NEK11: variants seen among roughly 807,000 people sequenced by gnomAD.
NEK11 encodes the protein serine/threonine-protein kinase Nek11.
Under a neutral mutation model 80.7 loss-of-function variants are expected in NEK11, and 72 were observed. The ratio of observed to expected loss-of-function variants is 0.89; its 90% CI spans 0.74 to 1.08. The LOEUF is 1.08. NEK11 is among the 50% of genes least tolerant of loss of function. The pLI, the probability that NEK11 is intolerant of heterozygous loss-of-function variation, is 0.00. For missense variants in NEK11, 764 were observed against 763.6 expected (o/e 1.00, Z -0.01); for synonymous variants, 251 against 260.7 (o/e 0.96, Z 0.36).
At chr3:131,029,954 A>AT (rs1227637281) in intron 3 of NEK11, 76 bp downstream of exon 3, 1 of 1,409,532 alleles carries the variant, frequency 7.1e-7, no homozygotes, top group African/African-American at 1.4e-5. Context: ...AGGAACATGG[A>AT]GCAGGCCAGG....
In NEK11 at chr3:131,349,540, T is replaced by C; in HGVS notation, c.1719-17T>C. 6.2e-7 allele frequency: 1 copy of C among 1,601,624 alleles called. No homozygotes were observed. Among genetic ancestry groups the C allele is most frequent in the Non-Finnish European group, 8.5e-7 (1 of 1,170,544 alleles). On this transcript the variant is annotated splice_polypyrimidine_tract_variant and intron_variant, in intron 17 of 17. Coordinates refer to ENST00000383366, the MANE Select transcript of NEK11 (RefSeq NM_024800.5). ...TAATGTGTAACTCTTTGTAATCTTTTGTAACTTTTTTGACAGATCAGCCAT... is the reference window on the plus strand; with the variant it reads ...TAATGTGTAACTCTTTGTAATCTTTCGTAACTTTTTTGACAGATCAGCCAT...
chr3:131,315,646 C>T (rs2109546667), intron 17 of NEK11, among the ~76,000 whole-genome samples: 1 of 151,762 alleles, frequency 6.6e-6, no homozygotes, highest in South Asian at 2.1e-4. Context: ...CTGCACAGAT[C>T]ATCCCATCAT....
chr3:131,311,898 T>C (rs1308629102), intron 17 of NEK11, among the ~76,000 whole-genome samples: 1 of 152,206 alleles, frequency 6.6e-6, no homozygotes, highest in Admixed American at 6.5e-5. Context: ...AAAAATTCAA[T>C]GGAAGCCCAC....
intron 16 of NEK11, among the ~76,000 whole-genome samples, chr3:131,263,157 G>A (rs1328588178): frequency 2.0e-5 from 3 of 151,378 alleles, no homozygotes; most frequent in Admixed American, 2.0e-4. Flanking sequence ...ATTTACATTA[G>A]GTGTATCTCC....
chr3:131,331,225 C>T (rs979060948), intron 17 of NEK11, among the ~76,000 whole-genome samples: 1 of 152,148 alleles, frequency 6.6e-6, no homozygotes. Flanking sequence ...TCACCGGTAA[C>T]AGAACTCTTA....
chr3:131,090,027 G>A (rs1344168326), intron 4 of NEK11, among the ~76,000 whole-genome samples: 1 of 152,016 alleles, frequency 6.6e-6, no homozygotes, highest in Non-Finnish European at 1.5e-5. Context: ...TTTTGTTTTT[G>A]TTTTTGTTTT....
rs562466400 is a variant in NEK11, at chr3:131,239,234, G to A, written c.1561-4202G>A. On this transcript the variant is annotated intron_variant, in intron 15 of 17. Transcript: ENST00000383366. ...GCTCTGAGAGAAGAGGTGACCAAGA[G>A]GTGAAAGAAATCAGCCCGTTTATAC... 3.3e-5 allele frequency among the ~76,000 whole-genome samples: 5 copies of A among 152,266 alleles called. No individual in the cohort carries two copies. In the East Asian group the frequency reaches 9.7e-4, roughly 29 times the overall value.
intron 3 of NEK11, among the ~76,000 whole-genome samples, chr3:131,078,461 T>C (rs1038695872): frequency 8.5e-5 from 13 of 152,278 alleles, no homozygotes; most frequent in Admixed American, 2.0e-4. Context: ...TAATTTTGTT[T>C]TGTTTTGTTT....
intron 3 of NEK11, among the ~76,000 whole-genome samples, chr3:131,033,187 C>CT (rs556778497): frequency 0.012 from 1,765 of 148,982 alleles, 43 homozygotes; most frequent in African/African-American, 0.04. Context: ...AAACTAAACT[C>CT]TTTTTTTTTT....
chr3:131,105,404 C>T (rs758251309), intron 4 of NEK11, among the ~76,000 whole-genome samples: 1 of 152,140 alleles, frequency 6.6e-6, no homozygotes, highest in Non-Finnish European at 1.5e-5. Flanking sequence ...AGCTTAATCA[C>T]GTATAAAATT....
intron 7 of NEK11, among the ~76,000 whole-genome samples, chr3:131,146,390 A>G (rs16836009): frequency 0.014 from 2,160 of 152,260 alleles, 48 homozygotes; most frequent in African/African-American, 0.05. Flanking sequence ...CTGATCTGAC[A>G]TGGTACCTTT....
intron 17 of NEK11, among the ~76,000 whole-genome samples, chr3:131,322,560 G>A (rs182757961): frequency 3.3e-5 from 5 of 152,238 alleles, no homozygotes; most frequent in East Asian, 3.9e-4. Flanking sequence ...TCAGAGAAAT[G>A]CAAACCAGAG....
At chr3:131,151,389 C>T (rs973728868) in intron 7 of NEK11, among the ~76,000 whole-genome samples, 1 of 152,050 alleles carries the variant, frequency 6.6e-6, no homozygotes, top group Admixed American at 6.6e-5. Context: ...GAAATATTCT[C>T]AGTGTACATA....
intron 13 of NEK11, 151 bp downstream of exon 13, chr3:131,169,088 A>G: frequency 3.6e-6 from 2 of 555,842 alleles, no homozygotes; most frequent in African/African-American, 1.9e-5. Flanking sequence ...GAGCTGAAAA[A>G]GATGAAATAA....
At chr3:131,096,536 A>G (rs2077458053) in intron 4 of NEK11, among the ~76,000 whole-genome samples, 2 of 151,932 alleles carry the variant, frequency 1.3e-5, no homozygotes, top group South Asian at 4.1e-4. Context: ...TCCTTTGGGT[A>G]TATTCACAGT....
At chr3:131,167,669 A>G (rs1560752419) in intron 12 of NEK11, among the ~76,000 whole-genome samples, 1 of 152,202 alleles carries the variant, frequency 6.6e-6, no homozygotes, top group Non-Finnish European at 1.5e-5. Context: ...GTTCTTATGC[A>G]TATATTACTC....
chr3:131,130,899 T>C lies in NEK11; in HGVS notation c.456-1846T>C, dbSNP rs190144869. 6.7e-3 allele frequency among the ~76,000 whole-genome samples: 1,013 copies of C among 152,264 alleles called. 7 individuals are homozygous for C. Among genetic ancestry groups the C allele is most frequent in the Non-Finnish European group, 0.01 (687 of 68,024 alleles). On this transcript the variant is annotated intron_variant, in intron 5 of 17. Transcript: ENST00000383366. ...TCACTGCTACCTCTGTCTCCCGGGT[T>C]CAAGCGATTCTCCTGCCACAGCCTC...
chr3:131,209,212 G>A (rs369825416), intron 14 of NEK11, among the ~76,000 whole-genome samples: 194 of 151,020 alleles, frequency 1.3e-3, no homozygotes, highest in African/African-American at 4.4e-3. Context: ...TTCTGCATCC[G>A]TTGATGCAGA....
In NEK11 at chr3:131,226,040, A is replaced by C. The variant is rs112630352; in HGVS notation, c.1400-2488A>C. The stretch of plus-strand genomic sequence containing the variant: ...AGAGGGAAAAATATGAATGAGTGAG[A>C]GAATGAATAACTGTCAAAGGGACAA... On this transcript the variant is annotated intron_variant, in intron 14 of 17. Transcript: ENST00000383366. 2.6e-5 allele frequency among the ~76,000 whole-genome samples: 4 copies of C among 152,280 alleles called. No individual in the cohort carries two copies. The East Asian group carries it at 7.7e-4, about 29-fold the overall frequency.
Sources: allele counts gnomAD v4.1 joint callset (sites outside exome capture counted in the v4.1 genomes callset), GRCh38; gene constraint gnomAD v4.1.1; transcripts MANE v1.5; gene names NCBI Gene and HGNC (gene_info 2026-07-23, HGNC 2026-07-21).